The following HBP1 variants were observed in gnomAD, a reference collection of about 807,000 sequenced individuals.
HBP1 encodes the protein HMG box-containing protein 1.
HBP1 carries 20 observed loss-of-function variants against 62.6 expected under a neutral mutation model. That is an observed-to-expected ratio of 0.32 (90% confidence interval 0.22 to 0.46). HBP1 has a LOEUF of 0.46. Ranked by LOEUF, HBP1 falls within the 20% of genes least tolerant of loss-of-function variation. HBP1 has a pLI of 1.00. For synonymous variants in HBP1, 232 were observed against 206.2 expected (o/e 1.12, Z -1.07); for missense variants, 480 against 611.8 (o/e 0.78, Z 2.27).
chr7:107,195,935 A>G lies in HBP1; in HGVS notation c.1169A>G (p.Asp390Gly), dbSNP rs775462619. The G allele has an allele frequency of 6.2e-7, 1 of 1,613,908 alleles. No individual in the cohort carries two copies. Among genetic ancestry groups the G allele is most frequent in the Non-Finnish European group, 8.5e-7 (1 of 1,179,862 alleles). The stretch of plus-strand genomic sequence containing the variant: ...TCTTGTGGAGGACCTGGTGGTCAAG[A>G]CTTTGCAAGATCTGGATTCAGTAAA... ...SLSCGGPGGQDFARSGFSKNC... is the reference protein window; with the variant it reads ...SLSCGGPGGQGFARSGFSKNC... The change falls in exon 9 of 11, where the codon GAC (aspartate) becomes GGC (glycine). Residue 390 changes from aspartate to glycine, a missense_variant. Asp to Gly is a moderately conservative substitution (Grantham distance 94). This residue lies in a region of HBP1 where 66 missense variants were observed against 56.4 expected (regional missense o/e 1.17). Transcript: ENST00000222574.
intron 6 of HBP1, among the ~76,000 whole-genome samples, chr7:107,189,049 T>C (rs1467794408): frequency 1.3e-5 from 2 of 152,192 alleles, no homozygotes; most frequent in Non-Finnish European, 2.9e-5. Context: ...AATCTCTCTT[T>C]TGGTATTAAT....
chr7:107,192,513 C>A (rs546362809), intron 8 of HBP1: 7 of 152,016 alleles, frequency 4.6e-5, no homozygotes, highest in African/African-American at 1.4e-4. Context: ...TCTGGGGTGG[C>A]AAATATGGAA....
At chr7:107,190,124 G>T in intron 7 of HBP1, 49 bp from the exon 8 acceptor site, 2 of 1,432,634 alleles carry the variant, frequency 1.4e-6, no homozygotes, top group Non-Finnish European at 1.9e-6. Flanking sequence ...TCTAAAGTAG[G>T]GTGCTTTCTG....
chr7:107,194,756 A>T (rs1331778708), intron 8 of HBP1, among the ~76,000 whole-genome samples: 1 of 152,232 alleles, frequency 6.6e-6, no homozygotes, highest in African/African-American at 2.4e-5. Context: ...TCAGATTAGA[A>T]GCTGAATAAA....
intron 6 of HBP1, among the ~76,000 whole-genome samples, chr7:107,187,715 T>C (rs1797462697): frequency 6.6e-6 from 1 of 152,206 alleles, no homozygotes. Flanking sequence ...GGTTACTAGC[T>C]TTATTCTGAT....
intron 6 of HBP1, among the ~76,000 whole-genome samples, chr7:107,188,881 CT>C: frequency 6.6e-6 from 1 of 152,274 alleles, no homozygotes; most frequent in South Asian, 2.1e-4. Context: ...TCCTTATTAG[CT>C]TTATTTGCCC....
chr7:107,185,774 A>G lies in HBP1; in HGVS notation c.399-27A>G, dbSNP rs765096814. On this transcript the variant is annotated intron_variant, in intron 3 of 10. Coordinates refer to ENST00000222574, the MANE Select transcript of HBP1 (RefSeq NM_012257.4). ...AGATCTACTTTAAGGACCTATGCTT[A>G]TGGTTGAAACTGTTGCTTTATTTTA... The G allele has an allele frequency of 1.1e-5, 17 of 1,599,072 alleles. No homozygotes were observed. In the East Asian group the frequency reaches 3.1e-4, roughly 29 times the overall value.
Position 107,175,751 on chromosome 7 carries a change from C to G in HBP1, c.-15-4128C>G, listed in dbSNP as rs574649319. ...TTTTTTTTTGAGACGGAGTCTTGCTCTGTCGCCCAGGCTGGAATGCAGTGG... is the reference window on the plus strand; with the variant it reads ...TTTTTTTTTGAGACGGAGTCTTGCTGTGTCGCCCAGGCTGGAATGCAGTGG... On this transcript the variant is annotated intron_variant, in intron 1 of 10. Coordinates refer to ENST00000222574, the MANE Select transcript of HBP1 (RefSeq NM_012257.4). Among the ~76,000 whole-genome samples, 34 of 138,350 alleles carry G rather than the reference C, an allele frequency of 2.5e-4. 1 individual carries two copies. The South Asian group carries it at 7.1e-3, about 29-fold the overall frequency. The allele number at this position is 138,350 out of a possible 152,430, so 90.8% of individuals were successfully genotyped here. A position where few individuals can be genotyped will look rare whatever the true frequency, so the allele number is the denominator to read the frequency against.
At chr7:107,170,052 C>A (rs561492140) in intron 1 of HBP1, 2 of 985,308 alleles carry the variant, frequency 2.0e-6, no homozygotes, top group South Asian at 9.4e-5. Context: ...TTTCACTCTC[C>A]GCTGTGCACT....
intron 4 of HBP1, 115 bp downstream of exon 4, chr7:107,186,057 AT>A (rs1797345944): frequency 1.3e-6 from 1 of 754,122 alleles, no homozygotes; most frequent in South Asian, 1.7e-5. Flanking sequence ...ATTTGATTTT[AT>A]ATACAGCTCT....
rs974634233 is a variant in HBP1 at position 107,201,705 on chromosome 7, G to T, written c.*274G>T. The T allele has an allele frequency of 1.4e-5, 5 of 360,772 alleles. No homozygotes were observed. The highest frequency in any genetic ancestry group is 1.0e-4 in the African/African-American group (5 of 47,792). 22.3% of individuals were successfully genotyped at this position (360,772 alleles called of 1,614,324 possible). On this transcript the variant is annotated 3_prime_UTR_variant, in exon 11 of 11. Transcript: ENST00000222574. ...TCAGGTAATAATAGGCTTGAAAATTGATATCCTGTGGTGCTAAAGTACAGT... is the reference window on the plus strand; with the variant it reads ...TCAGGTAATAATAGGCTTGAAAATTTATATCCTGTGGTGCTAAAGTACAGT...
At position 107,189,320 on chromosome 7, in the gene HBP1, T is replaced by C. The variant is rs754142927; in HGVS notation, c.794T>C (p.Leu265Ser). The C allele has an allele frequency of 6.8e-6, 11 of 1,612,992 alleles. No individual in the cohort carries two copies. The highest frequency in any genetic ancestry group is 9.3e-6 in the Non-Finnish European group (11 of 1,179,208). The change falls in exon 7 of 11, where the codon TTA (leucine) becomes TCA (serine). Residue 265 changes from leucine (L) to serine (S), a missense_variant. Transcript: ENST00000222574. Reference protein sequence around the residue: ...KGYGSDGLKLLSHEESVSFGE... With the variant: ...KGYGSDGLKLSSHEESVSFGE... ...TATGGTTCTGATGGTCTAAAGTTGT[T>C]ATCACATGAAGAAAGTGTATCATTT...
chr7:107,175,043 T>A (rs1934137347), intron 1 of HBP1, among the ~76,000 whole-genome samples: 1 of 152,078 alleles, frequency 6.6e-6, no homozygotes, highest in African/African-American at 2.4e-5. Context: ...CGGGTGGCTT[T>A]CATAGAGACT....
chr7:107,183,632 AT>A (rs757197302), intron 3 of HBP1, among the ~76,000 whole-genome samples: 8 of 151,964 alleles, frequency 5.3e-5, no homozygotes, highest in Non-Finnish European at 2.9e-5. Context: ...AAAAAACCTG[AT>A]TTAACTATTG....
intron 1 of HBP1, among the ~76,000 whole-genome samples, chr7:107,170,394 C>T (rs1464113687): frequency 6.6e-6 from 1 of 152,144 alleles, no homozygotes; most frequent in East Asian, 1.9e-4. Context: ...TAACAGTGAT[C>T]TAAATCTGCA....
At chr7:107,172,047 A>G (rs1171886317) in intron 1 of HBP1, among the ~76,000 whole-genome samples, 2 of 152,132 alleles carry the variant, frequency 1.3e-5, no homozygotes, top group Non-Finnish European at 2.9e-5. Flanking sequence ...ATTGCCTGAT[A>G]TCAGTAACAT....
chr7:107,188,227 A>G (rs556477352), intron 6 of HBP1, among the ~76,000 whole-genome samples: 106 of 152,290 alleles, frequency 7.0e-4, no homozygotes, highest in African/African-American at 2.5e-3. Context: ...CTCTGCATGA[A>G]TATCAGTCAG....
chr7:107,174,323 T>G (rs1796736801), intron 1 of HBP1: 2 of 320,022 alleles, frequency 6.2e-6, no homozygotes, highest in African/African-American at 4.5e-5. Context: ...TCTGATAGCC[T>G]TGAGCAATGA....
intron 10 of HBP1, chr7:107,200,917 C>T (rs1798229773): frequency 2.0e-5 from 3 of 152,614 alleles, no homozygotes; most frequent in Admixed American, 2.0e-4. Flanking sequence ...AGATTAATTG[C>T]AAAAAAATTA....
Sources: allele counts gnomAD v4.1 joint callset (sites outside exome capture counted in the v4.1 genomes callset), GRCh38; gene constraint gnomAD v4.1.1; regional missense constraint gnomAD v4.1.1; transcripts MANE v1.5; gene names NCBI Gene and HGNC (gene_info 2026-07-23, HGNC 2026-07-21).